The following GAREM1 variants were observed in gnomAD, a reference collection of about 807,000 sequenced individuals.
GAREM1 encodes GRB2 associated regulator of MAPK1 subtype 1.
GAREM1 carries 26 observed loss-of-function variants against 71.3 expected under a neutral mutation model. The observed-to-expected ratio is 0.36, with a 90% CI of 0.27 to 0.51. GAREM1 has a LOEUF of 0.51. Among genes scored for constraint, GAREM1 ranks in the 20% least tolerant of loss-of-function variants. The pLI, the probability that GAREM1 is intolerant of heterozygous loss-of-function variation, is 0.95. For missense variants in GAREM1, 1,026 were observed against 1,103.1 expected (o/e 0.93, Z 0.99); for synonymous variants, 440 against 433.2 (o/e 1.02, Z -0.20).
In GAREM1 at chr18:32,283,488, A is replaced by C. The variant is rs1260117131; in HGVS notation, c.1566+3543T>G. Among the ~76,000 whole-genome samples, 8 of 152,218 alleles carry C rather than the reference A, an allele frequency of 5.3e-5. No individual in the cohort carries two copies. The East Asian group carries it at 1.5e-3, about 29-fold the overall frequency. ...CTTGAACCCGGGAGACGGAGGTTGC[A>C]GTGAGCCAAGATCGTGCACTGCACT... is the stretch of plus-strand genomic sequence containing the variant. On this transcript the variant is annotated intron_variant, in intron 4 of 5. Transcript: ENST00000269209.
chr18:32,358,488 G>A (rs1237920922), intron 2 of GAREM1, among the ~76,000 whole-genome samples: 3 of 152,096 alleles, frequency 2.0e-5, no homozygotes, highest in Admixed American at 2.0e-4. Flanking sequence ...AAAGGGTGCT[G>A]CAAGCTTAGC....
At chr18:32,427,591 C>A (rs1321344969) in intron 1 of GAREM1, among the ~76,000 whole-genome samples, 1 of 152,198 alleles carries the variant, frequency 6.6e-6, no homozygotes, top group African/African-American at 2.4e-5. Flanking sequence ...TTATCACCCA[C>A]AAATGCTCAT....
intron 3 of GAREM1, among the ~76,000 whole-genome samples, chr18:32,307,390 T>A (rs1338411249): frequency 6.6e-6 from 1 of 152,248 alleles, no homozygotes; most frequent in Non-Finnish European, 1.5e-5. Context: ...GCTTCTTGGA[T>A]AATAGCTACA....
chr18:32,419,685 T>C (rs2048502055), intron 1 of GAREM1, among the ~76,000 whole-genome samples: 1 of 148,284 alleles, frequency 6.7e-6, no homozygotes, highest in African/African-American at 2.6e-5. Flanking sequence ...ATTACATCTG[T>C]AAAATTTAAA....
chr18:32,275,877 C>T (rs1346051441), intron 4 of GAREM1, among the ~76,000 whole-genome samples: 1 of 152,214 alleles, frequency 6.6e-6, no homozygotes, highest in Admixed American at 6.5e-5. Flanking sequence ...GGGGTTTCTC[C>T]ATGTTGAGGC....
At chr18:32,277,694 T>C (rs183328062) in intron 4 of GAREM1, among the ~76,000 whole-genome samples, 1 of 152,320 alleles carries the variant, frequency 6.6e-6, no homozygotes, top group East Asian at 1.9e-4. Flanking sequence ...TTAACCTTCT[T>C]TTCCCTTCTC....
intron 3 of GAREM1, among the ~76,000 whole-genome samples, chr18:32,289,312 A>G (rs920872559): frequency 3.9e-5 from 6 of 152,060 alleles, no homozygotes; most frequent in African/African-American, 1.4e-4. Context: ...ATACTTATTT[A>G]TACTTTTATC....
chr18:32,322,096 G>A (rs1334979749), intron 2 of GAREM1, among the ~76,000 whole-genome samples: 1 of 152,162 alleles, frequency 6.6e-6, no homozygotes, highest in Non-Finnish European at 1.5e-5. Context: ...GAAGCAGCTG[G>A]CTCTAGTGAT....
intron 1 of GAREM1, among the ~76,000 whole-genome samples, chr18:32,442,184 A>G (rs1417733368): frequency 6.6e-6 from 1 of 152,212 alleles, no homozygotes; most frequent in Non-Finnish European, 1.5e-5. Context: ...TACAATGCCC[A>G]CTGCCTGTTA....
intron 2 of GAREM1, among the ~76,000 whole-genome samples, chr18:32,376,559 T>C (rs2048031813): frequency 6.6e-6 from 1 of 152,164 alleles, no homozygotes. Flanking sequence ...CACTAGCAAC[T>C]GGGCGTGGTG....
chr18:32,339,169 T>C (rs902059007), intron 2 of GAREM1, among the ~76,000 whole-genome samples: 10 of 152,228 alleles, frequency 6.6e-5, no homozygotes, highest in Non-Finnish European at 1.5e-4. Context: ...TCTGTTTCTC[T>C]GGAGAAGTAT....
chr18:32,338,875 T>C (rs2047623125), intron 2 of GAREM1, among the ~76,000 whole-genome samples: 1 of 152,198 alleles, frequency 6.6e-6, no homozygotes, highest in African/African-American at 2.4e-5. Context: ...AGGATTAACA[T>C]TTTACATCAG....
intron 2 of GAREM1, among the ~76,000 whole-genome samples, chr18:32,313,447 G>C (rs2047344222): frequency 6.6e-6 from 1 of 152,164 alleles, no homozygotes; most frequent in Admixed American, 6.5e-5. Context: ...TCTAAGGAGG[G>C]ACCATGTCTG....
At chr18:32,320,858 G>T (rs552139316) in intron 2 of GAREM1, among the ~76,000 whole-genome samples, 1 of 152,290 alleles carries the variant, frequency 6.6e-6, no homozygotes, top group African/African-American at 2.4e-5. Flanking sequence ...AGAATTACCA[G>T]AAGTTTTCTG....
chr18:32,299,130 C>T (rs1006519581), intron 3 of GAREM1, among the ~76,000 whole-genome samples: 1 of 152,022 alleles, frequency 6.6e-6, no homozygotes, highest in East Asian at 1.9e-4. Flanking sequence ...CAATTGTATC[C>T]AATTTATCAT....
chr18:32,457,222 A>AGTGTGTGTGT (rs547348755), intron 1 of GAREM1, among the ~76,000 whole-genome samples: 21 of 84,230 alleles, frequency 2.5e-4, no homozygotes, highest in South Asian at 8.2e-4. Flanking sequence ...AGAGAGAGAG[A>AGTGTGTGTGT]GAGAGTGTGT....
intron 2 of GAREM1, among the ~76,000 whole-genome samples, chr18:32,364,003 T>TATATAC (rs2047894570): frequency 2.5e-5 from 1 of 40,318 alleles, no homozygotes; most frequent in African/African-American, 1.4e-4. Context: ...TACATATATA[T>TATATAC]ATATATATAT....
At chr18:32,408,036 C>T (rs1455850473) in intron 1 of GAREM1, among the ~76,000 whole-genome samples, 3 of 151,534 alleles carry the variant, frequency 2.0e-5, no homozygotes, top group Non-Finnish European at 2.9e-5. Flanking sequence ...ACTGTCTAAG[C>T]CTGGTAGCCT....
At chr18:32,342,459 C>T (rs1046565839) in intron 2 of GAREM1, among the ~76,000 whole-genome samples, 43 of 152,186 alleles carry the variant, frequency 2.8e-4, no homozygotes, top group Admixed American at 2.8e-3. Flanking sequence ...ATGATCCCAC[C>T]AACCCGTCCT....
Sources: gnomAD v4.1 joint callset for allele counts (sites outside exome capture counted in the v4.1 genomes callset) on GRCh38, gnomAD v4.1.1 for gene constraint, MANE v1.5 for transcripts, NCBI Gene and HGNC (gene_info 2026-07-23, HGNC 2026-07-21) for gene names.